The following GAREM1 variants were observed in gnomAD, a reference collection of about 807,000 sequenced individuals.
The protein encoded by GAREM1 is GRB2-associated and regulator of MAPK protein 1.
Under a neutral mutation model 71.3 loss-of-function variants are expected in GAREM1, and 26 were observed. The ratio of observed to expected loss-of-function variants is 0.36; its 90% CI spans 0.27 to 0.51. The LOEUF (loss-of-function observed/expected upper bound fraction) is 0.51, where lower values mean the gene tolerates loss of function less well. GAREM1 is among the 20% of genes least tolerant of loss of function. The probability of loss-of-function intolerance (pLI) is 0.95; values close to 1 mark genes in which losing one functional copy is unlikely to be tolerated. For missense variants in GAREM1, 1,026 were observed against 1,103.1 expected (o/e 0.93, Z 0.99); for synonymous variants, 440 against 433.2 (o/e 1.02, Z -0.20).
chr18:32,392,683 C>T (rs1247535481), intron 2 of GAREM1, among the ~76,000 whole-genome samples: 1 of 152,112 alleles, frequency 6.6e-6, no homozygotes, highest in African/African-American at 2.4e-5. Flanking sequence ...CTTATAAATA[C>T]CTAATAAGAA....
chr18:32,460,113 T>C (rs1416024900), intron 1 of GAREM1, among the ~76,000 whole-genome samples: 2 of 138,096 alleles, frequency 1.4e-5, no homozygotes, highest in Non-Finnish European at 3.1e-5. Context: ...TGTCATCTTA[T>C]TTAAAAAAAA....
At chr18:32,433,131 T>C (rs956560656) in intron 1 of GAREM1, among the ~76,000 whole-genome samples, 16 of 151,824 alleles carry the variant, frequency 1.1e-4, no homozygotes, top group African/African-American at 3.9e-4. Flanking sequence ...AATCGGTTAA[T>C]TTAATTAACC....
chr18:32,358,862 G>C (rs1375458966), intron 2 of GAREM1, among the ~76,000 whole-genome samples: 2 of 152,102 alleles, frequency 1.3e-5, no homozygotes, highest in African/African-American at 4.8e-5. Context: ...TAATTTGCAG[G>C]GTTCTGTGCA....
rs560777055 is a variant in GAREM1 at position 32,338,708 on chromosome 18, C to T, written c.263-28385G>A. Among the ~76,000 whole-genome samples the T allele has an allele frequency of 8.3e-4, 127 of 152,326 alleles. 1 individual carries two copies. Among genetic ancestry groups the T allele is most frequent in the African/African-American group, 2.8e-3 (118 of 41,578 alleles). On this transcript the variant is annotated intron_variant, in intron 2 of 5. Coordinates refer to ENST00000269209, the MANE Select transcript of GAREM1 (RefSeq NM_001242409.2). ...AGCCTGAACCTCACATGGAGGCCAT[C>T]TTTTCTAGACCTGCAGCATTGCAGA...
intron 1 of GAREM1, among the ~76,000 whole-genome samples, chr18:32,417,666 AT>A (rs1434947535): frequency 1.3e-5 from 2 of 152,146 alleles, no homozygotes; most frequent in African/African-American, 2.4e-5. Context: ...GGATCTAAAA[AT>A]CAAAACAACT....
intron 1 of GAREM1, among the ~76,000 whole-genome samples, chr18:32,405,348 A>T (rs553185352): frequency 1.3e-5 from 2 of 148,186 alleles, no homozygotes; most frequent in East Asian, 2.0e-4. Flanking sequence ...ACAGGCGTGC[A>T]CCACCATGCT....
chr18:32,430,403 C>G (rs543413030), intron 1 of GAREM1, among the ~76,000 whole-genome samples: 1 of 152,286 alleles, frequency 6.6e-6, no homozygotes, highest in Non-Finnish European at 1.5e-5. Flanking sequence ...ACTCTAGTTG[C>G]TAAACTTGTT....
intron 2 of GAREM1, among the ~76,000 whole-genome samples, chr18:32,356,586 C>T (rs1459190573): frequency 2.6e-5 from 4 of 152,156 alleles, no homozygotes; most frequent in African/African-American, 9.7e-5. Flanking sequence ...CCATCACTAT[C>T]ATATATTGAA....
chr18:32,412,560 C>G, intron 1 of GAREM1: 2 of 1,595,606 alleles, frequency 1.3e-6, no homozygotes, highest in Non-Finnish European at 8.5e-7. Context: ...ACCACCTCCA[C>G]GACCACCACC....
intron 2 of GAREM1, among the ~76,000 whole-genome samples, chr18:32,392,123 T>C (rs1348657253): frequency 6.6e-6 from 1 of 152,020 alleles, no homozygotes; most frequent in Non-Finnish European, 1.5e-5. Context: ...ACTTGGAAAA[T>C]ATTGAACAAT....
At chr18:32,295,999 GC>G (rs2144489983) in intron 3 of GAREM1, among the ~76,000 whole-genome samples, 1 of 150,052 alleles carries the variant, frequency 6.7e-6, no homozygotes, top group South Asian at 2.1e-4. Flanking sequence ...GTCTCACTCT[GC>G]CGCCCAGGCT....
intron 1 of GAREM1, among the ~76,000 whole-genome samples, chr18:32,433,669 T>C (rs961024331): frequency 6.6e-6 from 1 of 152,098 alleles, no homozygotes; most frequent in African/African-American, 2.4e-5. Context: ...CTTAGCAATA[T>C]ACAATTGGAA....
chr18:32,416,020 T>C (rs1288582657), intron 1 of GAREM1, among the ~76,000 whole-genome samples: 1 of 152,036 alleles, frequency 6.6e-6, no homozygotes, highest in Non-Finnish European at 1.5e-5. Context: ...ACAAATTTGG[T>C]AAAGTTCCAG....
chr18:32,346,807 A>C (rs2144584696), intron 2 of GAREM1, among the ~76,000 whole-genome samples: 1 of 152,324 alleles, frequency 6.6e-6, no homozygotes, highest in South Asian at 2.1e-4. Flanking sequence ...ACGTTGAAAG[A>C]ATGTTTACAA....
chr18:32,372,456 ACC>A (rs2047991095), intron 2 of GAREM1, among the ~76,000 whole-genome samples: 1 of 152,222 alleles, frequency 6.6e-6, no homozygotes, highest in Non-Finnish European at 1.5e-5. Flanking sequence ...GTTAAAAATT[ACC>A]CACTTGAAAT....
At chr18:32,454,766 T>C (rs1392411239) in intron 1 of GAREM1, among the ~76,000 whole-genome samples, 9 of 152,142 alleles carry the variant, frequency 5.9e-5, no homozygotes, top group Admixed American at 4.6e-4. Flanking sequence ...AAAAGTCAGA[T>C]TGTAAAGAAC....
chr18:32,440,898 G>A (rs1443853598), intron 1 of GAREM1, among the ~76,000 whole-genome samples: 4 of 152,272 alleles, frequency 2.6e-5, no homozygotes, highest in Non-Finnish European at 4.4e-5. Context: ...ATACATTTTT[G>A]TCTCTATGAG....
At chr18:32,453,495 T>C (rs1345869253) in intron 1 of GAREM1, among the ~76,000 whole-genome samples, 1 of 152,166 alleles carries the variant, frequency 6.6e-6, no homozygotes, top group Non-Finnish European at 1.5e-5. Context: ...TTCTGTTCCC[T>C]GCCTCGCCTA....
chr18:32,311,231 T>C (rs551612266), intron 2 of GAREM1, among the ~76,000 whole-genome samples: 1 of 152,318 alleles, frequency 6.6e-6, no homozygotes, highest in East Asian at 1.9e-4. Context: ...CAGTGTTTCT[T>C]AGTAGTTATT....
Sources: allele counts gnomAD v4.1 joint callset (sites outside exome capture counted in the v4.1 genomes callset), GRCh38; gene constraint gnomAD v4.1.1; transcripts MANE v1.5; gene names NCBI Gene and HGNC (gene_info 2026-07-23, HGNC 2026-07-21).